TBCK: variants seen among roughly 807,000 people sequenced by gnomAD.
TBCK encodes the protein TBC domain-containing protein kinase-like protein.
In TBCK, 99 loss-of-function variants were observed where a neutral mutation model predicts 113.4. That is an observed-to-expected ratio of 0.87 (90% CI 0.74 to 1.03). TBCK has a LOEUF of 1.03. Ranked by LOEUF, TBCK falls within the 50% of genes least tolerant of loss-of-function variation. The pLI is 0.00. For synonymous variants in TBCK, 369 were observed against 370.8 expected, an observed-to-expected ratio of 1.00 and a Z score of 0.05; for missense variants, 1,045 against 1,061.3, an observed-to-expected ratio of 0.98 and a Z score of 0.21.
chr4:106,123,914 G>A (rs1196184239), intron 23 of TBCK, among the ~76,000 whole-genome samples: 31 of 150,302 alleles, frequency 2.1e-4, no homozygotes, highest in Non-Finnish European at 4.1e-4. Context: ...GAAAACCTAG[G>A]CATTACCATT....
intron 11 of TBCK, among the ~76,000 whole-genome samples, chr4:106,244,262 G>A (rs771915488): frequency 2.2e-4 from 33 of 152,068 alleles, no homozygotes; most frequent in Non-Finnish European, 4.1e-4. Flanking sequence ...GTTCTTCATA[G>A]TAGGAACATT....
chr4:106,096,402 C>T (rs929991706), intron 24 of TBCK, among the ~76,000 whole-genome samples: 2 of 152,184 alleles, frequency 1.3e-5, no homozygotes, highest in East Asian at 1.9e-4. Context: ...ATTCTCAGCA[C>T]CTATATCTAC....
At chr4:106,072,375 G>T (rs1227707508) in intron 25 of TBCK, among the ~76,000 whole-genome samples, 6 of 152,136 alleles carry the variant, frequency 3.9e-5, no homozygotes, top group African/African-American at 1.4e-4. Flanking sequence ...GGCTGGATAT[G>T]AAATTCTGGG....
chr4:106,174,727 G>A (rs532450534), intron 22 of TBCK, among the ~76,000 whole-genome samples: 17 of 152,042 alleles, frequency 1.1e-4, no homozygotes, highest in African/African-American at 3.6e-4. Context: ...TTGTCATTTT[G>A]TTCTTACTTT....
intron 3 of TBCK, among the ~76,000 whole-genome samples, chr4:106,283,511 T>C (rs1313408667): frequency 2.6e-5 from 4 of 152,090 alleles, no homozygotes; most frequent in Non-Finnish European, 4.4e-5. Flanking sequence ...GCACTAAAGA[T>C]TGGAGATAAC....
chr4:106,084,167 T>C (rs1015367223), intron 25 of TBCK, among the ~76,000 whole-genome samples: 2 of 152,172 alleles, frequency 1.3e-5, no homozygotes, highest in Admixed American at 1.3e-4. Flanking sequence ...TCTAACCCAA[T>C]GCAAAGAAGC....
chr4:106,196,232 T>C (rs1019614063), intron 20 of TBCK, among the ~76,000 whole-genome samples: 6 of 152,000 alleles, frequency 3.9e-5, no homozygotes, highest in African/African-American at 4.8e-5. Context: ...TATAGACATA[T>C]ACATTTTCAA....
intron 24 of TBCK, among the ~76,000 whole-genome samples, chr4:106,100,735 G>A (rs891078091): frequency 5.3e-5 from 8 of 152,034 alleles, no homozygotes; most frequent in Non-Finnish European, 7.4e-5. Flanking sequence ...ACTGCCTTTG[G>A]AATAAAACCC....
intron 23 of TBCK, among the ~76,000 whole-genome samples, chr4:106,117,902 G>C (rs1277678913): frequency 6.6e-6 from 1 of 151,866 alleles, no homozygotes; most frequent in East Asian, 1.9e-4. Context: ...CCAGCTACTT[G>C]GGAGGCTGAG....
chr4:106,147,228 T>C (rs140307396), intron 23 of TBCK, among the ~76,000 whole-genome samples: 4 of 152,332 alleles, frequency 2.6e-5, no homozygotes, highest in Admixed American at 1.3e-4. Flanking sequence ...TCTCCTTCCA[T>C]GAATCACAAC....
At chr4:106,051,342 A>G (rs1428695212) in intron 25 of TBCK, among the ~76,000 whole-genome samples, 1 of 151,852 alleles carries the variant, frequency 6.6e-6, no homozygotes, top group Non-Finnish European at 1.5e-5. Flanking sequence ...GATACTGGAG[A>G]CTGGACAATT....
chr4:106,127,783 A>T (rs1240796054), intron 23 of TBCK, among the ~76,000 whole-genome samples: 2 of 152,132 alleles, frequency 1.3e-5, no homozygotes, highest in Non-Finnish European at 2.9e-5. Flanking sequence ...CTGAAGAAAG[A>T]TGCCAAGCAC....
intron 3 of TBCK, 116 bp downstream of exon 3, chr4:106,294,978 C>A: frequency 1.4e-6 from 1 of 709,208 alleles, no homozygotes; most frequent in Non-Finnish European, 2.3e-6. Context: ...AAATTTGCAC[C>A]TACCTTTATC....
chr4:106,231,644 A>G, intron 18 of TBCK, 85 bp downstream of exon 18: 1 of 1,306,842 alleles, frequency 7.7e-7, no homozygotes, highest in Non-Finnish European at 1.1e-6. Context: ...AAGAGCCTTA[A>G]AACAAAAACA....
intron 19 of TBCK, among the ~76,000 whole-genome samples, chr4:106,228,849 A>C (rs185958482): frequency 1.3e-5 from 2 of 152,212 alleles, no homozygotes; most frequent in Admixed American, 6.5e-5. Context: ...ATACTAACTT[A>C]CATTACCACC....
chr4:106,054,573 C>A (rs1214677521), intron 25 of TBCK, among the ~76,000 whole-genome samples: 1 of 151,636 alleles, frequency 6.6e-6, no homozygotes, highest in Non-Finnish European at 1.5e-5. Flanking sequence ...TTGATGGTCT[C>A]TCCCAAATAT....
rs1326980766 is a variant in TBCK at position 106,148,933 on chromosome 4, T to C, written c.2235+22162A>G. 2.6e-5 allele frequency among the ~76,000 whole-genome samples: 4 copies of C among 152,250 alleles called. No homozygotes were observed. In the South Asian group the frequency reaches 6.2e-4, roughly 24 times the overall value. ...CCAACTGAAGGCTGCTTCGTCTACA[T>C]TGAAAATCTGCTGTATAGTTGCTAG... On this transcript the variant is annotated intron_variant, in intron 23 of 25. Transcript: ENST00000394708.
intron 6 of TBCK, 41 bp downstream of exon 6, chr4:106,251,825 C>T (rs776146020): frequency 7.1e-7 from 1 of 1,413,086 alleles, no homozygotes; most frequent in Non-Finnish European, 9.3e-7. Context: ...CCAATAAATG[C>T]ACAATTTCCT....
chr4:106,250,144 T>A (rs560544539), intron 7 of TBCK, among the ~76,000 whole-genome samples: 1 of 152,208 alleles, frequency 6.6e-6, no homozygotes, highest in African/African-American at 2.4e-5. Flanking sequence ...TCATTTTGAT[T>A]TCACAAGTTA....
Sources: allele counts gnomAD v4.1 joint callset (sites outside exome capture counted in the v4.1 genomes callset), GRCh38; gene constraint gnomAD v4.1.1; transcripts MANE v1.5; gene names NCBI Gene and HGNC (gene_info 2026-07-23, HGNC 2026-07-21).